The following FGGY variants were observed in gnomAD, a reference collection of about 807,000 sequenced individuals.
FGGY encodes the protein FGGY carbohydrate kinase domain containing.
A neutral mutation model predicts 71.3 loss-of-function variants in FGGY; 72 were observed. That is an observed-to-expected ratio of 1.01 (90% CI 0.84 to 1.23). The LOEUF is 1.23. FGGY is among the 50% of genes most tolerant of loss of function. The probability of loss-of-function intolerance (pLI) is 0.00; values close to 1 mark genes in which losing one functional copy is unlikely to be tolerated. For synonymous variants in FGGY, 251 were observed against 250.3 expected, an observed-to-expected ratio of 1.00 and a Z score of -0.02; for missense variants, 668 against 682.3, an observed-to-expected ratio of 0.98 and a Z score of 0.23.
intron 9 of FGGY, among the ~76,000 whole-genome samples, chr1:59,623,839 G>A (rs1393071711): frequency 6.6e-6 from 1 of 152,134 alleles, no homozygotes; most frequent in Non-Finnish European, 1.5e-5. Flanking sequence ...TAGGCATTTA[G>A]TAAATACTAA....
rs2096983717 is a variant in FGGY, at chr1:59,638,387, C to T, written c.1221+12C>T. On this transcript the variant is annotated intron_variant, in intron 11 of 15. Coordinates refer to ENST00000303721, the MANE Select transcript of FGGY (RefSeq NM_018291.5). Reference sequence around the variant, plus strand: ...CACTAAAGGGCATGGTAAGTAACAGCTAGTCCTTGCACATGGGTGAAGGCA... The same window carrying T: ...CACTAAAGGGCATGGTAAGTAACAGTTAGTCCTTGCACATGGGTGAAGGCA... 1 of 1,613,918 alleles carries T rather than the reference C, an allele frequency of 6.2e-7. No homozygotes were observed. Among genetic ancestry groups the T allele is most frequent in the African/African-American group, 1.3e-5 (1 of 74,930 alleles).
chr1:59,546,950 C>CTTTTT (rs761977942), intron 7 of FGGY, among the ~76,000 whole-genome samples: 1 of 115,208 alleles, frequency 8.7e-6, no homozygotes, highest in Non-Finnish European at 1.8e-5. Context: ...ACCTTTTTGA[C>CTTTTT]TTTTTTTTTT....
At chr1:59,470,568 T>A (rs1268835153) in intron 6 of FGGY, among the ~76,000 whole-genome samples, 2 of 152,126 alleles carry the variant, frequency 1.3e-5, no homozygotes, top group African/African-American at 4.8e-5. Flanking sequence ...ATAAGGGAGA[T>A]TATAAAAGCA....
At chr1:59,324,014 G>C (rs1157364327) in intron 2 of FGGY, among the ~76,000 whole-genome samples, 3 of 152,192 alleles carry the variant, frequency 2.0e-5, no homozygotes, top group African/African-American at 7.2e-5. Context: ...GGTGGCATCA[G>C]ATATGTCCTG....
intron 7 of FGGY, among the ~76,000 whole-genome samples, chr1:59,514,633 G>A (rs953602279): frequency 2.0e-5 from 3 of 152,176 alleles, no homozygotes; most frequent in Non-Finnish European, 2.9e-5. Context: ...GGGACCCAGG[G>A]GGAGGTAATT....
intron 10 of FGGY, among the ~76,000 whole-genome samples, chr1:59,634,997 G>A (rs1051517333): frequency 1.1e-4 from 17 of 152,194 alleles, no homozygotes; most frequent in Admixed American, 7.9e-4. Context: ...TCAACCTGGG[G>A]TTCATGAGAG....
At chr1:59,581,706 G>A (rs1338690948) in intron 8 of FGGY, among the ~76,000 whole-genome samples, 1 of 149,770 alleles carries the variant, frequency 6.7e-6, no homozygotes, top group Non-Finnish European at 1.5e-5. Context: ...GAAATATTTG[G>A]TGTTATTTAA....
chr1:59,521,214 G>A (rs371613504), intron 7 of FGGY, among the ~76,000 whole-genome samples: 8 of 152,114 alleles, frequency 5.3e-5, no homozygotes, highest in East Asian at 3.9e-4. Context: ...GTTGAGGTTC[G>A]GTTTAATGCG....
intron 1 of FGGY, among the ~76,000 whole-genome samples, chr1:59,299,488 TA>T (rs1382867379): frequency 6.6e-6 from 1 of 152,164 alleles, no homozygotes; most frequent in Non-Finnish European, 1.5e-5. Flanking sequence ...TGTAGTAATA[TA>T]GGTGAGAGAC....
At chr1:59,583,940 C>T (rs1327525476) in intron 8 of FGGY, among the ~76,000 whole-genome samples, 1 of 147,014 alleles carries the variant, frequency 6.8e-6, no homozygotes, top group Non-Finnish European at 1.5e-5. Flanking sequence ...GAAGTGTCGA[C>T]GGCTCACCAC....
intron 15 of FGGY, among the ~76,000 whole-genome samples, chr1:59,758,288 A>G (rs2098312019): frequency 6.6e-6 from 1 of 152,186 alleles, no homozygotes; most frequent in Admixed American, 6.5e-5. Context: ...GATCTCTTAT[A>G]TCTCCATCAA....
At chr1:59,549,977 A>G (rs2095583454) in intron 7 of FGGY, among the ~76,000 whole-genome samples, 1 of 152,198 alleles carries the variant, frequency 6.6e-6, no homozygotes, top group Non-Finnish European at 1.5e-5. Flanking sequence ...GAGACATTTA[A>G]TTCATTGAGT....
chr1:59,658,763 T>C (rs1342706429), intron 11 of FGGY, among the ~76,000 whole-genome samples: 2 of 152,194 alleles, frequency 1.3e-5, no homozygotes, highest in Admixed American at 6.5e-5. Context: ...TGAGATTTGC[T>C]CAGGGCCTCT....
At chr1:59,403,573 C>A (rs913334562) in intron 5 of FGGY, among the ~76,000 whole-genome samples, 2 of 152,106 alleles carry the variant, frequency 1.3e-5, no homozygotes, top group African/African-American at 2.4e-5. Flanking sequence ...GAAGGATGAT[C>A]AAGAATCTGC....
chr1:59,538,918 C>A (rs572630379), intron 7 of FGGY, among the ~76,000 whole-genome samples: 1 of 151,602 alleles, frequency 6.6e-6, no homozygotes, highest in Non-Finnish European at 1.5e-5. Context: ...GTACGTGCAG[C>A]GCACCAACAT....
chr1:59,614,862 AAG>A (rs1222405066), intron 9 of FGGY, among the ~76,000 whole-genome samples: 1 of 152,178 alleles, frequency 6.6e-6, no homozygotes, highest in Non-Finnish European at 1.5e-5. Flanking sequence ...ATAACAGACA[AAG>A]AGAGAGCCAA....
rs750915807 is a variant in FGGY, at chr1:59,561,253, G to T, written c.903+7026G>T. On this transcript the variant is annotated intron_variant, in intron 8 of 15. Coordinates refer to ENST00000303721, the MANE Select transcript of FGGY (RefSeq NM_018291.5). ...CTAACAATGAAAGTGCTGAGGTGCT[G>T]CTCAGAAGGTGCCTCGCTTCCTCTT... Among the ~76,000 whole-genome samples, 48 of 152,292 alleles carry T rather than the reference G, an allele frequency of 3.2e-4. 1 individual carries two copies. Among genetic ancestry groups the T allele is most frequent in the Non-Finnish European group, 5.3e-4 (36 of 68,008 alleles).
intron 7 of FGGY, among the ~76,000 whole-genome samples, chr1:59,533,076 G>GC (rs2095198903): frequency 6.6e-6 from 1 of 152,206 alleles, no homozygotes; most frequent in Non-Finnish European, 1.5e-5. Flanking sequence ...GGTGATTTCT[G>GC]CATTTCCGTC....
At chr1:59,691,808 T>A (rs2097591137) in intron 14 of FGGY, among the ~76,000 whole-genome samples, 1 of 152,164 alleles carries the variant, frequency 6.6e-6, no homozygotes, top group Non-Finnish European at 1.5e-5. Context: ...ATTCCATTTA[T>A]GTCATTGGAT....
Sources: gnomAD v4.1 joint callset for allele counts (sites outside exome capture counted in the v4.1 genomes callset) on GRCh38, gnomAD v4.1.1 for gene constraint, MANE v1.5 for transcripts, NCBI Gene and HGNC (gene_info 2026-07-23, HGNC 2026-07-21) for gene names.